The following INSL6 variants were observed in gnomAD, a reference collection of about 807,000 sequenced individuals.
The protein encoded by INSL6 is insulin like 6.
In INSL6, 16 loss-of-function variants were observed where a neutral mutation model predicts 9.4. That is an observed-to-expected ratio of 1.70 (90% CI 1.15 to 2.59). The LOEUF (loss-of-function observed/expected upper bound fraction) is 2.59, where lower values mean the gene tolerates loss of function less well. Ranked by LOEUF, INSL6 falls within the 30% of genes most tolerant of loss-of-function variation. The probability of loss-of-function intolerance (pLI) is 0.00; values close to 1 mark genes in which losing one functional copy is unlikely to be tolerated. For synonymous variants in INSL6, 154 were observed against 96.9 expected (o/e 1.59, Z -3.46); for missense variants, 391 against 257.3 (o/e 1.52, Z -3.56).
chr9:5,033,803 C>A, the INSL6 span, among the ~76,000 whole-genome samples: 1 of 152,158 alleles, frequency 6.6e-6, no homozygotes. Context: ...ATTGTAAAGA[C>A]CATCGAGGCT....
chr9:5,112,678 G>A, the INSL6 span: 1 of 938,512 alleles, frequency 1.1e-6, no homozygotes, highest in Non-Finnish European at 1.5e-6. Flanking sequence ...AGGCCGTCTC[G>A]GTCATCCTGA....
chr9:5,161,019 A>C (rs1824914738), downstream of INSL6, among the ~76,000 whole-genome samples: 1 of 152,178 alleles, frequency 6.6e-6, no homozygotes, highest in Non-Finnish European at 1.5e-5. Context: ...AAGAAAAACT[A>C]ATACCAACTC....
At chr9:5,060,863 A>C in the INSL6 span, among the ~76,000 whole-genome samples, 1 of 152,210 alleles carries the variant, frequency 6.6e-6, no homozygotes, top group African/African-American at 2.4e-5. Flanking sequence ...TAGCCTTACA[A>C]AATGTATTTC....
At chr9:5,014,008 A>G in the INSL6 span, among the ~76,000 whole-genome samples, 6 of 152,120 alleles carry the variant, frequency 3.9e-5, no homozygotes, top group Non-Finnish European at 7.3e-5. Context: ...TTCTTCATGT[A>G]TATTTATTGA....
At chr9:5,085,953 G>C in the INSL6 span, 1 of 1,127,140 alleles carries the variant, frequency 8.9e-7, no homozygotes, top group South Asian at 1.2e-5. Flanking sequence ...GAAAGGATCG[G>C]TGTATTTCTC....
chr9:5,132,477 G>A (rs1282846293), intron 3 of INSL6, among the ~76,000 whole-genome samples: 2 of 151,804 alleles, frequency 1.3e-5, no homozygotes, highest in African/African-American at 4.8e-5. Flanking sequence ...AATTGCCTAG[G>A]CCATTCTCTC....
intron 2 of INSL6, among the ~76,000 whole-genome samples, chr9:5,136,158 C>A (rs1329825790): frequency 6.6e-6 from 1 of 152,114 alleles, no homozygotes; most frequent in African/African-American, 2.4e-5. Flanking sequence ...AAGTCCAGGA[C>A]CAGATGGATT....
the INSL6 span, among the ~76,000 whole-genome samples, chr9:5,013,283 A>G: frequency 1.3e-5 from 2 of 152,198 alleles, no homozygotes; most frequent in African/African-American, 2.4e-5. Flanking sequence ...TCACCTCACC[A>G]TATTTAGGTT....
chr9:5,180,597 C>T (rs910343060), intron 1 of INSL6, among the ~76,000 whole-genome samples: 7 of 152,068 alleles, frequency 4.6e-5, no homozygotes, highest in South Asian at 2.1e-4. Flanking sequence ...CTGATATACG[C>T]CCTGGTCTCC....
In INSL6 at chr9:5,164,262, G is replaced by A. The variant is rs1452228380; in HGVS notation, c.293C>T (p.Ser98Phe). ...PARGRGTNPV[S>F]TSWEEAVNSW... ...GTTTACTGCTTCTTCCCAAGAAGTA[G>A]ACACTGTTGAGAGAGAAGAAAATAA... The change falls in exon 2 of 2, where the codon TCT becomes TTT. Residue 98 changes from serine (S) to phenylalanine (F), a missense_variant. Transcript: ENST00000381641. 1 of 1,589,372 alleles carries A rather than the reference G, an allele frequency of 6.3e-7. No individual in the cohort carries two copies. The highest frequency in any genetic ancestry group is 1.3e-5 in the African/African-American group (1 of 74,280).
chr9:5,134,351 G>C (rs1336435814), intron 2 of INSL6, among the ~76,000 whole-genome samples: 1 of 152,136 alleles, frequency 6.6e-6, no homozygotes, highest in African/African-American at 2.4e-5. Flanking sequence ...ACACCACAAA[G>C]ATACTCCTCG....
the INSL6 span, among the ~76,000 whole-genome samples, chr9:5,050,349 G>A: frequency 6.6e-6 from 1 of 152,258 alleles, no homozygotes; most frequent in South Asian, 2.1e-4. Flanking sequence ...AGACTAGGGT[G>A]CAGTGGTGTG....
At chr9:5,093,465 C>A in the INSL6 span, among the ~76,000 whole-genome samples, 37,045 of 152,032 alleles carry the variant, frequency 0.24, 4,947 homozygotes, top group South Asian at 0.3. Context: ...CTGTCTCTTA[C>A]GTTTAATCAG....
the INSL6 span, chr9:5,111,776 G>A: frequency 4.7e-6 from 2 of 421,618 alleles, no homozygotes; most frequent in East Asian, 6.4e-5. Flanking sequence ...GCTTCCGGCT[G>A]CATCCACCTT....
the INSL6 span, among the ~76,000 whole-genome samples, chr9:4,999,599 G>A: frequency 6.6e-6 from 1 of 152,178 alleles, no homozygotes; most frequent in Admixed American, 6.5e-5. Context: ...TAGGCTGTCT[G>A]CAAGCTTGAG....
intron 1 of INSL6, among the ~76,000 whole-genome samples, chr9:5,168,485 C>T (rs965023626): frequency 6.6e-6 from 1 of 151,948 alleles, no homozygotes; most frequent in African/African-American, 2.4e-5. Flanking sequence ...AATATCAGAG[C>T]TTGAAGACTA....
the INSL6 span, chr9:5,029,949 A>C: frequency 6.6e-7 from 1 of 1,512,454 alleles, no homozygotes; most frequent in Non-Finnish European, 8.9e-7. Context: ...CTAAAAGGCA[A>C]AATGGGAGAA....
intron 2 of INSL6, chr9:5,133,657 C>A (rs1009091828): frequency 2.0e-5 from 3 of 151,964 alleles, no homozygotes; most frequent in Non-Finnish European, 4.4e-5. Context: ...GTATCAACAT[C>A]AACAAAATGT....
downstream of INSL6, chr9:5,123,100 G>T: frequency 6.2e-7 from 1 of 1,606,048 alleles, no homozygotes; most frequent in East Asian, 2.2e-5. Context: ...CATACATTGA[G>T]AAGAGTAAAA....
Sources: allele counts gnomAD v4.1 joint callset (sites outside exome capture counted in the v4.1 genomes callset), GRCh38; gene constraint gnomAD v4.1.1; transcripts MANE v1.5; gene names NCBI Gene and HGNC (gene_info 2026-07-23, HGNC 2026-07-21).